Variants in CEACAM4 observed in about 807,000 individuals in gnomAD.
The protein encoded by CEACAM4 is cell adhesion molecule CEACAM4.
Under a neutral mutation model 28.7 loss-of-function variants are expected in CEACAM4, and 30 were observed. The ratio of observed to expected loss-of-function variants is 1.05; its 90% CI spans 0.78 to 1.42. The LOEUF is 1.42. CEACAM4 is among the 40% of genes most tolerant of loss of function. The probability of loss-of-function intolerance (pLI) is 0.00; values close to 1 mark genes in which losing one functional copy is unlikely to be tolerated. For synonymous variants in CEACAM4, 143 were observed against 126.5 expected (o/e 1.13, Z -0.87); for missense variants, 330 against 308.2 (o/e 1.07, Z -0.53).
intron 4 of CEACAM4, 84 bp from the exon 5 acceptor site, chr19:41,620,326 C>T: frequency 2.4e-6 from 3 of 1,260,262 alleles, no homozygotes; most frequent in Non-Finnish European, 3.2e-6. Context: ...TCCTCAGCTC[C>T]CAGAGAATCA....
Position 41,626,923 on chromosome 19 carries a change from G to T in CEACAM4, c.41C>A (p.Pro14His), listed in dbSNP as rs2071703037. 1 of 1,609,100 alleles carries T rather than the reference G, an allele frequency of 6.2e-7. No individual in the cohort carries two copies. ...PSAAPRGGHR[P>H]WQGLLITASL... ...ACCTGTGATCAGGAGCCCCTGCCAG[G>T]GCCTGTGCCCTCCACGGGGAGCGGC... Residue 14 changes from proline to histidine, a missense_variant, in exon 1 of 7, where the codon CCC becomes CAC. Pro to His is a moderately conservative substitution (Grantham distance 77). Coordinates refer to ENST00000221954, the MANE Select transcript of CEACAM4 (RefSeq NM_001817.4).
Position 41,619,171 on chromosome 19 carries a change from A to G in CEACAM4, c.*159T>C. 2 of 651,020 alleles carry G rather than the reference A, an allele frequency of 3.1e-6. No individual in the cohort carries two copies. The highest frequency in any genetic ancestry group is 5.4e-6 in the Non-Finnish European group (2 of 368,876). The allele number at this position is 651,020 out of a possible 1,614,324, so 40.3% of individuals were successfully genotyped here. A position where few individuals can be genotyped will look rare whatever the true frequency, so the allele number is the denominator to read the frequency against. ...CAGGGCAACCTGTCAGGGTCTCCAG[A>G]TATTCAGCAGGGACTCCCATCCCTC... On this transcript the variant is annotated 3_prime_UTR_variant, in exon 7 of 7. Coordinates refer to ENST00000221954, the MANE Select transcript of CEACAM4 (RefSeq NM_001817.4).
At chr19:41,622,774 C>T in intron 2 of CEACAM4, among the ~76,000 whole-genome samples, 1 of 152,032 alleles carries the variant, frequency 6.6e-6, no homozygotes, top group East Asian at 1.9e-4. Context: ...TCTCTTTAAT[C>T]TCCTAATAAA....
intron 5 of CEACAM4, 112 bp downstream of exon 5, chr19:41,620,099 T>C: frequency 9.9e-7 from 1 of 1,010,940 alleles, no homozygotes; most frequent in Non-Finnish European, 1.4e-6. Context: ...TTGACCTGAC[T>C]GTTCTGGGGA....
At chr19:41,626,240 C>T (rs1221653513) in intron 1 of CEACAM4, among the ~76,000 whole-genome samples, 1 of 152,100 alleles carries the variant, frequency 6.6e-6, no homozygotes, top group Non-Finnish European at 1.5e-5. Context: ...CCCTCAGATC[C>T]TGCTCACATC....
At chr19:41,620,062 C>G in intron 5 of CEACAM4, 149 bp downstream of exon 5, 1 of 723,456 alleles carries the variant, frequency 1.4e-6, no homozygotes, top group South Asian at 2.2e-5. Context: ...TGTAGAGAGG[C>G]CCGGATCCTG....
In CEACAM4 at chr19:41,619,384, G is replaced by GTATA; in HGVS notation, c.677_680dup (p.Ser228IlefsTer3). On this transcript the variant is annotated frameshift_variant, in exon 7 of 7. Transcript: ENST00000221954. LOFTEE classifies it low-confidence loss of function (END_TRUNC). Reference sequence around the variant, plus strand: ...TCTGGCAGTAAATGTTTGCATCAGAGTATAGCAATTCCTGTAAAAACAGAG... The same window carrying GTATA: ...TCTGGCAGTAAATGTTTGCATCAGAGTATATATAGCAATTCCTGTAAAAACAGAG... 6.2e-7 allele frequency: 1 copy of GTATA among 1,614,004 alleles called. No individual in the cohort carries two copies. Among genetic ancestry groups the GTATA allele is most frequent in the East Asian group, 2.2e-5 (1 of 44,868 alleles).
intron 2 of CEACAM4, among the ~76,000 whole-genome samples, chr19:41,622,454 C>A (rs1312323190): frequency 6.6e-6 from 1 of 152,100 alleles, no homozygotes; most frequent in Admixed American, 6.5e-5. Flanking sequence ...TGCTGATGAG[C>A]GGGGATGATG....
intron 1 of CEACAM4, 129 bp from the exon 2 acceptor site, chr19:41,626,089 TGTGTG>T (rs2071638154): frequency 2.2e-6 from 1 of 464,380 alleles, no homozygotes; most frequent in Admixed American, 3.4e-5. Flanking sequence ...TGTGTGTGTG[TGTGTG>T]TGTGTGTGTG....
chr19:41,626,760 G>T, intron 1 of CEACAM4, 140 bp downstream of exon 1: 1 of 618,824 alleles, frequency 1.6e-6, no homozygotes, highest in Admixed American at 3.2e-5. Context: ...CCCTTATCCA[G>T]CCTCCAACAG....
intron 4 of CEACAM4, 33 bp from the exon 5 acceptor site, chr19:41,620,275 G>A: frequency 6.9e-7 from 1 of 1,443,882 alleles, no homozygotes; most frequent in Non-Finnish European, 9.1e-7. Context: ...GCAGCAGGGT[G>A]GGAGGAGAGC....
chr19:41,626,272 T>C (rs2071659080), intron 1 of CEACAM4, among the ~76,000 whole-genome samples: 1 of 152,088 alleles, frequency 6.6e-6, no homozygotes, highest in Admixed American at 6.5e-5. Flanking sequence ...GGGAGACCCC[T>C]CCCCTGACAC....
In CEACAM4 at chr19:41,625,790, T is replaced by C; in HGVS notation, c.235A>G (p.Ile79Val). ...KGKTAEGSPL[I>V]AGYITDIQAN... ...TGAATGTCTGTTATATAACCAGCAA[T>C]GAGAGGGCTCCCTTCTGCCGTTTTC... is the stretch of plus-strand genomic sequence containing the variant. The change falls in exon 2 of 7, where the codon ATT becomes GTT. Residue 79 changes from isoleucine (I) to valine (V), a missense_variant. By Grantham distance (29) the Ile-to-Val change is conservative. Transcript: ENST00000221954. 6.2e-7 allele frequency: 1 copy of C among 1,614,032 alleles called. No homozygotes were observed. Among genetic ancestry groups the C allele is most frequent in the Non-Finnish European group, 8.5e-7 (1 of 1,179,970 alleles).
Position 41,620,221 on chromosome 19 carries a change from G to A in CEACAM4, c.617C>T (p.Ser206Phe). Reference protein sequence around the residue: ...STPGHGPSHRSTFSAPLPSPR... With the variant: ...STPGHGPSHRFTFSAPLPSPR... Reference sequence around the variant, plus strand: ...AGGGAACAGGCTTACCGAGAAGGTGGATCTGTGAGAGGGACCATGGCCTGG... The same window carrying A: ...AGGGAACAGGCTTACCGAGAAGGTGAATCTGTGAGAGGGACCATGGCCTGG... The change falls in exon 5 of 7, where the codon TCC (serine) becomes TTC (phenylalanine). Residue 206 changes from serine (S) to phenylalanine (F), a missense_variant. Physicochemically the swap from Ser to Phe is radical, Grantham distance 155. Coordinates refer to ENST00000221954, the MANE Select transcript of CEACAM4 (RefSeq NM_001817.4). 1.3e-6 allele frequency: 2 copies of A among 1,491,174 alleles called. No homozygotes were observed. The highest frequency in any genetic ancestry group is 1.8e-6 in the Non-Finnish European group (2 of 1,125,776). The allele number at this position is 1,491,174 out of a possible 1,614,324, so 92.4% of individuals were successfully genotyped here.
downstream of CEACAM4, among the ~76,000 whole-genome samples, chr19:41,616,331 C>T (rs554546822): frequency 3.5e-4 from 54 of 152,124 alleles, no homozygotes; most frequent in Non-Finnish European, 5.1e-4. Flanking sequence ...TGCTCTCGGC[C>T]GCGGTGTGGA....
At chr19:41,616,774 TCAAA>T (rs2070989922), downstream of CEACAM4, among the ~76,000 whole-genome samples, 2 of 151,918 alleles carry the variant, frequency 1.3e-5, no homozygotes, top group Non-Finnish European at 2.9e-5. Flanking sequence ...TGGATGTGCT[TCAAA>T]GGTCAGGCAC....
In CEACAM4 at chr19:41,619,631, G is replaced by A. The variant is rs782367250; in HGVS notation, c.669+39C>T. 6.8e-5 allele frequency: 107 copies of A among 1,577,946 alleles called. 1 individual carries two copies. In the East Asian group the frequency reaches 2.5e-3, roughly 36 times the overall value. ...GGTGGGGGCAGATCCTGGGTCCCCT[G>A]GAGCCTGCGGGACCAGAACATCCAT... On this transcript the variant is annotated intron_variant, in intron 6 of 6. Transcript: ENST00000221954.
downstream of CEACAM4, among the ~76,000 whole-genome samples, chr19:41,614,796 G>A (rs558107729): frequency 2.1e-3 from 321 of 152,220 alleles, no homozygotes; most frequent in Non-Finnish European, 3.2e-3. Flanking sequence ...TCTAGGAGGG[G>A]CCACCACCTC....
rs1247403999 is a variant in CEACAM4, at chr19:41,625,920, C to A, written c.105G>T (p.Gln35His). ...LTFWHPPTTVQFTIEALPSSA... is the reference protein window; with the variant it reads ...LTFWHPPTTVHFTIEALPSSA... ...TGGACGGCAGGGCTTCAATAGTGAACTGGACAGTGGTGGGCGGGTGCCAGA... is the reference window on the plus strand; with the variant it reads ...TGGACGGCAGGGCTTCAATAGTGAAATGGACAGTGGTGGGCGGGTGCCAGA... The change falls in exon 2 of 7, where the codon CAG becomes CAT. Residue 35 changes from glutamine to histidine, a missense_variant. Transcript: ENST00000221954. 1 of 1,613,556 alleles carries A rather than the reference C, an allele frequency of 6.2e-7. No homozygotes were observed. The highest frequency in any genetic ancestry group is 8.5e-7 in the Non-Finnish European group (1 of 1,179,776).
Sources: allele counts gnomAD v4.1 joint callset (sites outside exome capture counted in the v4.1 genomes callset), GRCh38; gene constraint gnomAD v4.1.1; transcripts MANE v1.5; gene names NCBI Gene and HGNC (gene_info 2026-07-23, HGNC 2026-07-21).